KIF20A: variants seen among roughly 807,000 people sequenced by gnomAD.
KIF20A encodes the protein kinesin family member 20A, also known as kinesin-like protein KIF20A.
Under a neutral mutation model 113.0 loss-of-function variants are expected in KIF20A, and 66 were observed. The ratio of observed to expected loss-of-function variants is 0.58; its 90% CI spans 0.48 to 0.72. KIF20A has a LOEUF of 0.72. Ranked by LOEUF, KIF20A falls within the 30% of genes least tolerant of loss-of-function variation. The pLI, the probability that KIF20A is intolerant of heterozygous loss-of-function variation, is 0.00. For missense variants in KIF20A, 927 were observed against 1,077.6 expected (o/e 0.86, Z 1.96); for synonymous variants, 376 against 402.3 (o/e 0.93, Z 0.78).
chr5:138,182,751 T>C lies in KIF20A; in HGVS notation c.680T>C (p.Leu227Pro). 1 of 1,613,768 alleles carries C rather than the reference T, an allele frequency of 6.2e-7. No individual in the cohort carries two copies. Residue 227 changes from leucine (L) to proline (P), a missense_variant, in exon 6 of 19, where the codon CTG becomes CCG. By Grantham distance (98) the Leu-to-Pro change is moderately conservative. Coordinates refer to ENST00000394894, the MANE Select transcript of KIF20A (RefSeq NM_005733.3). ...IRQEEMKKLS[L>P]LNGGLQEEEL... ...CAGGAGGAAATGAAGAAGCTGTCCC[T>C]GCTAAATGGAGGCCTCCAAGAGGTA...
chr5:138,182,223 C>T, intron 4 of KIF20A, 100 bp from the exon 5 acceptor site: 4 of 1,390,076 alleles, frequency 2.9e-6, no homozygotes, highest in Non-Finnish European at 3.9e-6. Flanking sequence ...TGAGTGGTCT[C>T]CAGAGCCAAC....
rs1184894748 is a variant in KIF20A, at chr5:138,185,101, T to C, written c.1830T>C (p.His610=). The change falls in exon 15 of 19, where the codon CAT becomes CAC. Residue 610 remains histidine (H), a synonymous_variant. Coordinates refer to ENST00000394894, the MANE Select transcript of KIF20A (RefSeq NM_005733.3). ...MQQREQWCSE[H]LDTQKELLEE... ...TCTCCTCTGTTTCTGACAGTGAACA[T>C]TTGGACACCCAAAAGGAACTATTGG... 2 of 1,612,996 alleles carry C rather than the reference T, an allele frequency of 1.2e-6. No homozygotes were observed. The highest frequency in any genetic ancestry group is 2.2e-5 in the South Asian group (2 of 90,916).
rs769307774 is a variant in KIF20A, at chr5:138,183,670, G to T, written c.1140-18G>T. The T allele has an allele frequency of 3.7e-6, 6 of 1,612,954 alleles. No individual in the cohort carries two copies. The highest frequency in any genetic ancestry group is 1.1e-5 in the South Asian group (1 of 91,070). On this transcript the variant is annotated intron_variant, in intron 9 of 18. Coordinates refer to ENST00000394894, the MANE Select transcript of KIF20A (RefSeq NM_005733.3). This position sits in a 1 kb window ranked among gnomAD's most constrained non-coding sequence, Gnocchi z 5.2. ...CATGGAAAATGTGCAATGACTTTTT[G>T]TTTTTCTTAACTTCCAGTCACAGCA...
intron 2 of KIF20A, among the ~76,000 whole-genome samples, chr5:138,181,009 C>T (rs965996087): frequency 7.2e-5 from 11 of 152,204 alleles, no homozygotes. Flanking sequence ...GACATAGGTG[C>T]TATTATTAAC....
chr5:138,182,569 C>T lies in KIF20A; in HGVS notation c.515-17C>T, dbSNP rs1754676383. ...AAGGGCACTTGCCTCAGCTGTCCAT[C>T]TTTCATATGCCTCCAGGTACCATCA... is the stretch of plus-strand genomic sequence containing the variant. On this transcript the variant is annotated splice_polypyrimidine_tract_variant and intron_variant, in intron 5 of 18. Transcript: ENST00000394894. The T allele has an allele frequency of 1.9e-6, 3 of 1,614,014 alleles. No individual in the cohort carries two copies. The highest frequency in any genetic ancestry group is 2.5e-6 in the Non-Finnish European group (3 of 1,179,920).
chr5:138,184,567 AG>A lies in KIF20A; in HGVS notation c.1576del (p.Glu526AsnfsTer10). On this transcript the variant is annotated frameshift_variant, in exon 13 of 19. Transcript: ENST00000394894. LOFTEE classifies it high-confidence loss of function. Reference sequence around the variant, plus strand: ...TTCCCATCCCTGCACTCGTTCATCAAGGAACATAGTCTTCAGGTATCCCCCA... The same window carrying A: ...TTCCCATCCCTGCACTCGTTCATCAAGAACATAGTCTTCAGGTATCCCCCA... ...LGFPSLHSFI[K>X]EHSLQVSPSL... 1 of 1,614,182 alleles carries A rather than the reference AG, an allele frequency of 6.2e-7. No homozygotes were observed. The highest frequency in any genetic ancestry group is 8.5e-7 in the Non-Finnish European group (1 of 1,180,014).
rs1754723517 is a variant in KIF20A, at chr5:138,185,102, T to C, written c.1831T>C (p.Leu611=). ...QQREQWCSEH[L]DTQKELLEEM... is the part of the protein sequence containing the mutation. ...CTCCTCTGTTTCTGACAGTGAACAT[T>C]TGGACACCCAAAAGGAACTATTGGA... The change falls in exon 15 of 19, where the codon TTG becomes CTG. Residue 611 remains leucine, a synonymous_variant. Coordinates refer to ENST00000394894, the MANE Select transcript of KIF20A (RefSeq NM_005733.3). 6.2e-7 allele frequency: 1 copy of C among 1,612,976 alleles called. No homozygotes were observed. The highest frequency in any genetic ancestry group is 8.5e-7 in the Non-Finnish European group (1 of 1,179,238).
Position 138,179,937 on chromosome 5 carries a change from T to C in KIF20A, c.165+92T>C, listed in dbSNP as rs889873073. 5 of 1,301,602 alleles carry C rather than the reference T, an allele frequency of 3.8e-6. No homozygotes were observed. The African/African-American group carries it at 6.0e-5, about 16-fold the overall frequency. The allele number at this position is 1,301,602 out of a possible 1,614,324, so 80.6% of individuals were successfully genotyped here. A position where few individuals can be genotyped will look rare whatever the true frequency, so the allele number is the denominator to read the frequency against. ...GTAGTATGAGGTCAAAGACTAGCAA[T>C]CCTAAAGGTCTGAGATCAATTCAAA... On this transcript the variant is annotated intron_variant, in intron 2 of 18. Coordinates refer to ENST00000394894, the MANE Select transcript of KIF20A (RefSeq NM_005733.3).
In KIF20A at chr5:138,187,653, T is replaced by C. The variant is rs1034791351; in HGVS notation, c.*240T>C. 3.4e-5 allele frequency: 12 copies of C among 355,430 alleles called. No individual in the cohort carries two copies. The highest frequency in any genetic ancestry group is 6.1e-5 in the Non-Finnish European group (12 of 195,276). 22.0% of individuals were successfully genotyped at this position (355,430 alleles called of 1,614,324 possible). A position where few individuals can be genotyped will look rare whatever the true frequency, so the allele number is the denominator to read the frequency against. On this transcript the variant is annotated 3_prime_UTR_variant, in exon 19 of 19. Transcript: ENST00000394894. ...AAAAACAGTTATATTAAAGATATTATTGTTCACATTTTTTATTGAATTCCA... is the reference window on the plus strand; with the variant it reads ...AAAAACAGTTATATTAAAGATATTACTGTTCACATTTTTTATTGAATTCCA...
In KIF20A at chr5:138,182,315, C is replaced by T; in HGVS notation, c.376-8C>T. Reference sequence around the variant, plus strand: ...GAGAGGCCTCTAAAAAACTGGGTCTCTCTCTAGATCTTTGGGCCAGAAGTG... The same window carrying T: ...GAGAGGCCTCTAAAAAACTGGGTCTTTCTCTAGATCTTTGGGCCAGAAGTG... On this transcript the variant is annotated splice_region_variant and splice_polypyrimidine_tract_variant and intron_variant, in intron 4 of 18. Transcript: ENST00000394894. 1 of 1,610,706 alleles carries T rather than the reference C, an allele frequency of 6.2e-7. No individual in the cohort carries two copies. The highest frequency in any genetic ancestry group is 2.2e-5 in the East Asian group (1 of 44,866).
Position 138,187,567 on chromosome 5 carries a change from C to T in KIF20A, c.*154C>T. On this transcript the variant is annotated 3_prime_UTR_variant, in exon 19 of 19. Coordinates refer to ENST00000394894, the MANE Select transcript of KIF20A (RefSeq NM_005733.3). ...CTTTTTTCTCACTTTTGTATTATAA[C>T]CACCTATGTAATCTCATGTTGTTGT... The T allele has an allele frequency of 1.7e-6, 1 of 605,082 alleles. No homozygotes were observed. Among genetic ancestry groups the T allele is most frequent in the Non-Finnish European group, 2.8e-6 (1 of 356,180 alleles). 37.5% of individuals were successfully genotyped at this position (605,082 alleles called of 1,614,324 possible).
At chr5:138,185,407 G>A (rs1754728116) in intron 15 of KIF20A, 105 bp from the exon 16 acceptor site, 6 of 1,102,754 alleles carry the variant, frequency 5.4e-6, no homozygotes, top group Non-Finnish European at 8.1e-6. Flanking sequence ...GCTAACAACA[G>A]GTTTTCAAGG....
chr5:138,182,611 C>A lies in KIF20A; in HGVS notation c.540C>A (p.Leu180=). The change falls in exon 6 of 19, where the codon CTC becomes CTA. Residue 180 remains leucine (L), a synonymous_variant. Transcript: ENST00000394894. ...IQGTIKDGGI[L]PRSLALIFNS... The stretch of plus-strand genomic sequence containing the variant: ...GTACCATCAAGGATGGAGGGATTCT[C>A]CCCCGGTCCCTGGCGCTGATCTTCA... 6.2e-7 allele frequency: 1 copy of A among 1,614,116 alleles called. No homozygotes were observed. Among genetic ancestry groups the A allele is most frequent in the Non-Finnish European group, 8.5e-7 (1 of 1,180,026 alleles).
chr5:138,185,387 C>T (rs1754727835), intron 15 of KIF20A, 125 bp from the exon 16 acceptor site: 2 of 944,300 alleles, frequency 2.1e-6, no homozygotes, highest in Non-Finnish European at 3.3e-6. Context: ...GCCAGGAAAT[C>T]GTATTAAGTG....
chr5:138,182,547 G>A (rs1482136616), intron 5 of KIF20A, 39 bp from the exon 6 acceptor site: 2 of 1,613,226 alleles, frequency 1.2e-6, no homozygotes, highest in Admixed American at 3.3e-5. Context: ...GGGGGAGAAG[G>A]GCACTTGCCT....
chr5:138,180,613 A>C, intron 2 of KIF20A, among the ~76,000 whole-genome samples: 1 of 152,210 alleles, frequency 6.6e-6, no homozygotes, highest in Non-Finnish European at 1.5e-5. Flanking sequence ...ACTATGGACT[A>C]TCAGAGCTTC....
At chr5:138,182,124 G>T (rs964781516) in intron 4 of KIF20A, among the ~76,000 whole-genome samples, 199 bp from the exon 5 acceptor site, 9 of 152,192 alleles carry the variant, frequency 5.9e-5, no homozygotes, top group Non-Finnish European at 1.3e-4. Context: ...TTAAGTGTTT[G>T]TTGATTTGGT....
chr5:138,179,572 C>T (rs551597667), intron 1 of KIF20A, 88 bp from the exon 2 acceptor site: 1 of 1,016,656 alleles, frequency 9.8e-7, no homozygotes, highest in African/African-American at 1.6e-5. Context: ...ACACGGTGTC[C>T]TGGGGCAAGG....
rs1005487516 is a variant in KIF20A, at chr5:138,187,638, A to G, written c.*225A>G. 22 of 388,018 alleles carry G rather than the reference A, an allele frequency of 5.7e-5. No individual in the cohort carries two copies. The highest frequency in any genetic ancestry group is 4.3e-4 in the African/African-American group (21 of 49,132). The allele number at this position is 388,018 out of a possible 1,614,324, so 24.0% of individuals were successfully genotyped here. On this transcript the variant is annotated 3_prime_UTR_variant, in exon 19 of 19. Transcript: ENST00000394894. The stretch of plus-strand genomic sequence containing the variant: ...GATTTCTATGCACACAAAAACAGTT[A>G]TATTAAAGATATTATTGTTCACATT...
Sources: allele counts gnomAD v4.1 joint callset (sites outside exome capture counted in the v4.1 genomes callset), GRCh38; gene constraint gnomAD v4.1.1; non-coding constraint Gnocchi (gnomAD v3.1); transcripts MANE v1.5; gene names NCBI Gene and HGNC (gene_info 2026-07-23, HGNC 2026-07-21).